The following SGCZ variants were observed in gnomAD, a reference collection of about 807,000 sequenced individuals.
The protein encoded by SGCZ is sarcoglycan zeta.
A neutral mutation model predicts 41.3 loss-of-function variants in SGCZ; 40 were observed. The observed-to-expected ratio is 0.97, with a 90% CI of 0.75 to 1.26. The LOEUF is 1.26. Among genes scored for constraint, SGCZ ranks in the 50% most tolerant of loss-of-function variants. SGCZ has a pLI of 0.00. For synonymous variants in SGCZ, 206 were observed against 137.5 expected (o/e 1.50, Z -3.49); for missense variants, 552 against 369.8 (o/e 1.49, Z -4.04).
chr8:15,072,891 T>TCTAGG (rs1805405299), intron 1 of SGCZ, among the ~76,000 whole-genome samples: 1 of 152,152 alleles, frequency 6.6e-6, no homozygotes, highest in Non-Finnish European at 1.5e-5. Context: ...GGATGTTCTC[T>TCTAGG]CTAGGGTCCA....
At chr8:15,104,399 C>G (rs999655091) in intron 1 of SGCZ, among the ~76,000 whole-genome samples, 2 of 152,090 alleles carry the variant, frequency 1.3e-5, no homozygotes, top group Non-Finnish European at 2.9e-5. Flanking sequence ...AGAGAGAAAC[C>G]ACACAAGGAA....
At chr8:14,426,471 A>C (rs1799785701) in intron 2 of SGCZ, among the ~76,000 whole-genome samples, 2 of 152,098 alleles carry the variant, frequency 1.3e-5, no homozygotes, top group South Asian at 2.1e-4. Flanking sequence ...ACTAGAGAAG[A>C]AGCAGAGAGG....
chr8:15,052,388 G>A (rs1385592063), intron 1 of SGCZ, among the ~76,000 whole-genome samples: 1 of 152,188 alleles, frequency 6.6e-6, no homozygotes, highest in Non-Finnish European at 1.5e-5. Context: ...TGGGAAGAAA[G>A]TGAGTGAGGG....
intron 1 of SGCZ, among the ~76,000 whole-genome samples, chr8:14,859,421 C>T (rs866717255): frequency 1.3e-5 from 2 of 151,988 alleles, no homozygotes; most frequent in East Asian, 1.9e-4. Context: ...GTAGACAATA[C>T]GTTATTACTA....
At chr8:14,520,183 A>G (rs1161259652) in intron 2 of SGCZ, among the ~76,000 whole-genome samples, 2 of 152,128 alleles carry the variant, frequency 1.3e-5, no homozygotes, top group Non-Finnish European at 2.9e-5. Flanking sequence ...ACACTATGTA[A>G]GAATGCATTG....
In SGCZ at chr8:14,587,243, T is replaced by C. The variant is rs887143905; in HGVS notation, c.40-32317A>G. Among the ~76,000 whole-genome samples the C allele has an allele frequency of 5.9e-5, 9 of 151,978 alleles. No homozygotes were observed. In the East Asian group the frequency reaches 1.6e-3, roughly 26 times the overall value. On this transcript the variant is annotated intron_variant, in intron 1 of 7. Coordinates refer to ENST00000382080, the MANE Select transcript of SGCZ (RefSeq NM_139167.4). Reference sequence around the variant, plus strand: ...AAGTTTCAACCAAACTTCTACTATATCTTAGTAGAAGATATAGCCAGATTT... The same window carrying C: ...AAGTTTCAACCAAACTTCTACTATACCTTAGTAGAAGATATAGCCAGATTT...
At chr8:14,226,902 G>C (rs1429171217) in intron 4 of SGCZ, among the ~76,000 whole-genome samples, 1 of 152,054 alleles carries the variant, frequency 6.6e-6, no homozygotes, top group Admixed American at 6.6e-5. Flanking sequence ...CTATACTTAT[G>C]ACTTATGATT....
chr8:15,184,124 A>G (rs1214705308), intron 1 of SGCZ, among the ~76,000 whole-genome samples: 1 of 152,206 alleles, frequency 6.6e-6, no homozygotes, highest in African/African-American at 2.4e-5. Context: ...TTCTGCAACA[A>G]TTATGTTTAA....
At chr8:15,054,623 G>C (rs1282315780) in intron 1 of SGCZ, among the ~76,000 whole-genome samples, 1 of 152,022 alleles carries the variant, frequency 6.6e-6, no homozygotes, top group Non-Finnish European at 1.5e-5. Context: ...CATTCACTAG[G>C]TATGTAACCT....
intron 1 of SGCZ, among the ~76,000 whole-genome samples, chr8:15,063,089 G>A (rs1804997157): frequency 6.6e-6 from 1 of 151,916 alleles, no homozygotes; most frequent in Non-Finnish European, 1.5e-5. Context: ...TGCCTTTAGA[G>A]AATAAATCAA....
At chr8:14,096,746 G>C (rs1430595310) in intron 7 of SGCZ, among the ~76,000 whole-genome samples, 1 of 151,878 alleles carries the variant, frequency 6.6e-6, no homozygotes, top group Non-Finnish European at 1.5e-5. Flanking sequence ...AACTTTTTTT[G>C]GTTGGTAGGC....
chr8:14,343,858 C>A (rs1802800077), intron 2 of SGCZ, among the ~76,000 whole-genome samples: 1 of 151,378 alleles, frequency 6.6e-6, no homozygotes, highest in Admixed American at 6.6e-5. Flanking sequence ...TCAGAAACAC[C>A]TATCACACCA....
chr8:14,190,517 A>G (rs932884284), intron 4 of SGCZ, among the ~76,000 whole-genome samples: 7 of 152,232 alleles, frequency 4.6e-5, no homozygotes, highest in Admixed American at 1.3e-4. Flanking sequence ...GCAAGTGCAG[A>G]TATCTTTATG....
intron 5 of SGCZ, among the ~76,000 whole-genome samples, chr8:14,137,879 C>T (rs6990546): frequency 0.012 from 1,783 of 152,202 alleles, 33 homozygotes; most frequent in African/African-American, 0.04. Context: ...ACATAATTGT[C>T]AGATTCACCA....
intron 2 of SGCZ, among the ~76,000 whole-genome samples, chr8:14,418,186 C>T (rs571052851): frequency 3.9e-5 from 6 of 151,964 alleles, no homozygotes; most frequent in East Asian, 3.9e-4. Flanking sequence ...AGCAGTTCAA[C>T]GGGATGTATA....
At chr8:14,096,830 T>C (rs974816165) in intron 7 of SGCZ, among the ~76,000 whole-genome samples, 2 of 152,182 alleles carry the variant, frequency 1.3e-5, no homozygotes, top group African/African-American at 4.8e-5. Context: ...GGTTTAGTCT[T>C]GGGAAGGTGT....
At chr8:15,015,739 G>C (rs1412628033) in intron 1 of SGCZ, among the ~76,000 whole-genome samples, 1 of 143,584 alleles carries the variant, frequency 7.0e-6, no homozygotes. Flanking sequence ...GTGTGTGTGT[G>C]TGTGTGTGTG....
At chr8:14,939,700 G>T (rs1218955630) in intron 1 of SGCZ, among the ~76,000 whole-genome samples, 1 of 152,036 alleles carries the variant, frequency 6.6e-6, no homozygotes. Flanking sequence ...TTCATCACCA[G>T]TCCACAGATA....
intron 1 of SGCZ, among the ~76,000 whole-genome samples, chr8:15,148,412 A>G (rs1411054511): frequency 6.6e-6 from 1 of 152,160 alleles, no homozygotes; most frequent in African/African-American, 2.4e-5. Flanking sequence ...CCTTGACATA[A>G]AAGTGAGTTA....
Sources: allele counts gnomAD v4.1 joint callset (sites outside exome capture counted in the v4.1 genomes callset), GRCh38; gene constraint gnomAD v4.1.1; transcripts MANE v1.5; gene names NCBI Gene and HGNC (gene_info 2026-07-23, HGNC 2026-07-21).